Variants in ADCY2 observed in about 807,000 individuals in gnomAD.
The protein encoded by ADCY2 is adenylate cyclase type 2.
A neutral mutation model predicts 125.2 loss-of-function variants in ADCY2; 31 were observed. The observed-to-expected ratio is 0.25, with a 90% CI of 0.19 to 0.33. The LOEUF (loss-of-function observed/expected upper bound fraction) is 0.33, where lower values mean the gene tolerates loss of function less well. Ranked by LOEUF, ADCY2 falls within the 10% of genes least tolerant of loss-of-function variation. The probability of loss-of-function intolerance (pLI) is 1.00; values close to 1 mark genes in which losing one functional copy is unlikely to be tolerated. For missense variants in ADCY2, 904 were observed against 1,418.2 expected (o/e 0.64, Z 5.82); for synonymous variants, 512 against 548.4 (o/e 0.93, Z 0.93).
chr5:7,610,881 G>A (rs1014744796), intron 3 of ADCY2, among the ~76,000 whole-genome samples: 1 of 152,152 alleles, frequency 6.6e-6, no homozygotes, highest in East Asian at 1.9e-4. Context: ...TCTAAATAAA[G>A]GAATTTTAAA....
intron 14 of ADCY2, among the ~76,000 whole-genome samples, chr5:7,735,104 A>T (rs1742209929): frequency 6.6e-6 from 1 of 152,186 alleles, no homozygotes; most frequent in Non-Finnish European, 1.5e-5. Context: ...CATTAAGCCC[A>T]TAAGAACTCA....
At chr5:7,499,821 G>A (rs1743499283) in intron 2 of ADCY2, among the ~76,000 whole-genome samples, 1 of 151,080 alleles carries the variant, frequency 6.6e-6, no homozygotes, top group Admixed American at 6.6e-5. Flanking sequence ...AAAAAACACA[G>A]TAAATGCAGT....
chr5:7,575,734 T>C (rs1389144903), intron 3 of ADCY2, among the ~76,000 whole-genome samples: 1 of 152,146 alleles, frequency 6.6e-6, no homozygotes, highest in African/African-American at 2.4e-5. Flanking sequence ...TTTAAAGTAA[T>C]TTAAACTGTA....
At chr5:7,759,803 T>C (rs1202610599) in intron 16 of ADCY2, among the ~76,000 whole-genome samples, 4 of 150,480 alleles carry the variant, frequency 2.7e-5, no homozygotes, top group African/African-American at 7.3e-5. Context: ...TCCAGAAAGA[T>C]AGAAACGCCA....
chr5:7,718,035 G>T (rs1270407967), intron 12 of ADCY2, among the ~76,000 whole-genome samples: 1 of 152,028 alleles, frequency 6.6e-6, no homozygotes, highest in African/African-American at 2.4e-5. Context: ...TATCATGAAA[G>T]CTGACTCTTG....
intron 7 of ADCY2, among the ~76,000 whole-genome samples, chr5:7,703,525 A>T (rs182304919): frequency 0.016 from 2,425 of 152,240 alleles, 57 homozygotes; most frequent in African/African-American, 0.047. Context: ...GTCAAAGATC[A>T]GATGGTTGTA....
At chr5:7,653,619 A>C (rs949956026) in intron 4 of ADCY2, among the ~76,000 whole-genome samples, 5 of 151,722 alleles carry the variant, frequency 3.3e-5, no homozygotes, top group African/African-American at 1.2e-4. Flanking sequence ...AAAAAAAAAA[A>C]CGTGAAGAAT....
chr5:7,707,667 C>T (rs1181467171), intron 8 of ADCY2, 39 bp from the exon 9 acceptor site: 1 of 1,606,294 alleles, frequency 6.2e-7, no homozygotes, highest in African/African-American at 1.3e-5. Flanking sequence ...CACACTTATC[C>T]TTTTATGTCT....
chr5:7,671,929 C>T (rs1739950322), intron 4 of ADCY2, among the ~76,000 whole-genome samples: 1 of 152,150 alleles, frequency 6.6e-6, no homozygotes, highest in Non-Finnish European at 1.5e-5. Flanking sequence ...TAGGGAGTGA[C>T]TTGGAGTCTC....
At chr5:7,404,125 C>T (rs1739380601) in intron 1 of ADCY2, among the ~76,000 whole-genome samples, 1 of 152,124 alleles carries the variant, frequency 6.6e-6, no homozygotes, top group South Asian at 2.1e-4. Flanking sequence ...GGAATTTTTG[C>T]ATTTCATCCA....
At chr5:7,538,430 A>G (rs1333124032) in intron 3 of ADCY2, among the ~76,000 whole-genome samples, 1 of 152,158 alleles carries the variant, frequency 6.6e-6, no homozygotes, top group Non-Finnish European at 1.5e-5. Context: ...TGCTTGGCTC[A>G]TGTTAAGTGT....
rs540745005 is a variant in ADCY2 at position 7,712,910 on chromosome 5, T to G, written c.1622+11T>G. On this transcript the variant is annotated intron_variant, in intron 11 of 24. Coordinates refer to ENST00000338316, the MANE Select transcript of ADCY2 (RefSeq NM_020546.3). The stretch of plus-strand genomic sequence containing the variant: ...AAATCGCACCTTAAGGTATGGTATC[T>G]CTCTATCTGATTTTTTAAAGCTTAT... 1 of 1,585,766 alleles carries G rather than the reference T, an allele frequency of 6.3e-7. No homozygotes were observed. Among genetic ancestry groups the G allele is most frequent in the Non-Finnish European group, 8.7e-7 (1 of 1,155,812 alleles).
At chr5:7,789,325 C>G (rs1055072795) in intron 19 of ADCY2, among the ~76,000 whole-genome samples, 1 of 152,204 alleles carries the variant, frequency 6.6e-6, no homozygotes, top group African/African-American at 2.4e-5. Flanking sequence ...CTACAATTGC[C>G]TCTTTTCAAA....
chr5:7,580,613 T>C (rs920290317), intron 3 of ADCY2, among the ~76,000 whole-genome samples: 5 of 152,136 alleles, frequency 3.3e-5, no homozygotes, highest in Non-Finnish European at 7.4e-5. Context: ...GCCTAACATA[T>C]TTGTAATGGA....
intron 15 of ADCY2, among the ~76,000 whole-genome samples, chr5:7,754,038 C>A (rs942401121): frequency 6.6e-6 from 1 of 152,074 alleles, no homozygotes; most frequent in African/African-American, 2.4e-5. Context: ...AATAATTGAA[C>A]CAAGCGCATC....
chr5:7,595,679 C>A (rs1224808976), intron 3 of ADCY2, among the ~76,000 whole-genome samples: 1 of 152,124 alleles, frequency 6.6e-6, no homozygotes, highest in Non-Finnish European at 1.5e-5. Context: ...CCAGACCCCC[C>A]ACCTCACAGA....
At chr5:7,644,839 C>T (rs577855307) in intron 4 of ADCY2, among the ~76,000 whole-genome samples, 4 of 152,090 alleles carry the variant, frequency 2.6e-5, no homozygotes, top group Admixed American at 6.6e-5. Context: ...AGTTTTCATA[C>T]ACTCCGCCCC....
intron 2 of ADCY2, among the ~76,000 whole-genome samples, chr5:7,471,012 A>G (rs901488877): frequency 6.6e-6 from 1 of 151,826 alleles, no homozygotes; most frequent in Admixed American, 6.6e-5. Context: ...TCAGTAAGTA[A>G]TGTCCTTTTT....
chr5:7,643,966 A>G (rs1040481806), intron 4 of ADCY2, among the ~76,000 whole-genome samples: 2 of 151,422 alleles, frequency 1.3e-5, no homozygotes, highest in African/African-American at 4.9e-5. Context: ...ACATTTTAAC[A>G]ATATAATTAT....
Sources: allele counts gnomAD v4.1 joint callset (sites outside exome capture counted in the v4.1 genomes callset), GRCh38; gene constraint gnomAD v4.1.1; transcripts MANE v1.5; gene names NCBI Gene and HGNC (gene_info 2026-07-23, HGNC 2026-07-21).